OR2C1: variants seen among roughly 807,000 people sequenced by gnomAD.
OR2C1 encodes olfactory receptor 2C1.
For synonymous variants in OR2C1, 209 were observed against 167.3 expected, an observed-to-expected ratio of 1.25 and a Z score of -1.92; for missense variants, 468 against 388.3, an observed-to-expected ratio of 1.21 and a Z score of -1.73.
At chr16:3,358,055 CTT>C (rs1218907635), downstream of OR2C1, among the ~76,000 whole-genome samples, 1 of 152,010 alleles carries the variant, frequency 6.6e-6, no homozygotes, top group Admixed American at 6.6e-5. Context: ...TCTCCATCAT[CTT>C]GTTTACCCTC....
rs182864433 is a variant in OR2C1, at chr16:3,356,922, G to A, written c.*43G>A. 3 of 1,431,950 alleles carry A rather than the reference G, an allele frequency of 2.1e-6. No individual in the cohort carries two copies. The Admixed American group carries it at 7.3e-5, about 35-fold the overall frequency. 88.7% of individuals were successfully genotyped at this position (1,431,950 alleles called of 1,614,324 possible). On this transcript the variant is annotated 3_prime_UTR_variant, in exon 1 of 1. Transcript: ENST00000304936. ...ATTTATTGCGTCTTCATCTCTACAT[G>A]CGTTTCTCATTAACTCTCTCTGGCC...
upstream of OR2C1, among the ~76,000 whole-genome samples, chr16:3,351,220 C>CTTTTCTTTTT (rs2030568599): frequency 1.6e-4 from 3 of 18,654 alleles, no homozygotes; most frequent in Non-Finnish European, 3.1e-4. Context: ...TTTTCTTTTT[C>CTTTTCTTTTT]TTTTTCTTTT....
At chr16:3,347,359 C>T in the OR2C1 span, among the ~76,000 whole-genome samples, 4 of 151,744 alleles carry the variant, frequency 2.6e-5, no homozygotes, top group African/African-American at 9.7e-5. Flanking sequence ...TGCACCACTG[C>T]ACTCCAGCCT....
chr16:3,334,035 C>G, the OR2C1 span, among the ~76,000 whole-genome samples: 1 of 152,032 alleles, frequency 6.6e-6, no homozygotes, highest in Non-Finnish European at 1.5e-5. Context: ...TGCAGTGGCA[C>G]AATCTTGGCT....
chr16:3,342,588 A>G, the OR2C1 span, among the ~76,000 whole-genome samples: 1 of 152,100 alleles, frequency 6.6e-6, no homozygotes, highest in African/African-American at 2.4e-5. Flanking sequence ...ATACTGAACA[A>G]TAAAAACGAG....
chr16:3,333,234 T>G, the OR2C1 span, among the ~76,000 whole-genome samples: 16 of 135,460 alleles, frequency 1.2e-4, no homozygotes, highest in African/African-American at 4.5e-4. Flanking sequence ...TTTTTTTTTT[T>G]TTTTTTTTTT....
the OR2C1 span, among the ~76,000 whole-genome samples, chr16:3,334,272 G>T: frequency 4.6e-5 from 7 of 151,510 alleles, no homozygotes; most frequent in Non-Finnish European, 1.0e-4. Flanking sequence ...CGAGTAGCTG[G>T]GACGACAGGC....
chr16:3,340,487 C>A, the OR2C1 span, among the ~76,000 whole-genome samples: 1 of 152,068 alleles, frequency 6.6e-6, no homozygotes, highest in East Asian at 1.9e-4. Flanking sequence ...TTTATGTATT[C>A]TTTATTTGGT....
At chr16:3,342,602 G>T in the OR2C1 span, among the ~76,000 whole-genome samples, 5 of 152,096 alleles carry the variant, frequency 3.3e-5, no homozygotes, top group African/African-American at 4.8e-5. Context: ...AAACGAGGCC[G>T]GGCGCAGTGA....
At chr16:3,338,698 T>A in the OR2C1 span, among the ~76,000 whole-genome samples, 1 of 151,944 alleles carries the variant, frequency 6.6e-6, no homozygotes, top group Non-Finnish European at 1.5e-5. Flanking sequence ...CCAGCACGCC[T>A]GGCTAATTTT....
upstream of OR2C1, among the ~76,000 whole-genome samples, chr16:3,355,186 C>G (rs12919193): frequency 0.89 from 135,938 of 151,902 alleles, 60,952 homozygotes; most frequent in African/African-American, 0.95. Flanking sequence ...ATCTAGGCCA[C>G]GCACGGTGGC....
chr16:3,347,652 A>G, the OR2C1 span, among the ~76,000 whole-genome samples: 1 of 152,226 alleles, frequency 6.6e-6, no homozygotes, highest in African/African-American at 2.4e-5. Context: ...AGATCATACG[A>G]TGTGCATTGC....
In OR2C1 at chr16:3,356,343, A is replaced by C. The variant is rs781406819; in HGVS notation, c.403A>C (p.Ile135Leu). ...GTGCCGGCCCCTCCGCTACACCGCC[A>C]TCATGAACCCCCAGCTCTGCTGGCT... is the stretch of plus-strand genomic sequence containing the variant. ...AVCRPLRYTA[I>L]MNPQLCWLLA... The change falls in exon 1 of 1, where the codon ATC (isoleucine) becomes CTC (leucine). Residue 135 changes from isoleucine to leucine, a missense_variant. Ile to Leu is a conservative substitution (Grantham distance 5). Transcript: ENST00000304936. The C allele has an allele frequency of 1.2e-6, 2 of 1,613,512 alleles. No homozygotes were observed. Among genetic ancestry groups the C allele is most frequent in the Non-Finnish European group, 1.7e-6 (2 of 1,180,004 alleles).
chr16:3,336,354 T>G, the OR2C1 span, among the ~76,000 whole-genome samples: 1 of 152,064 alleles, frequency 6.6e-6, no homozygotes, highest in Non-Finnish European at 1.5e-5. Context: ...TGTAGTTTTC[T>G]TTTTCTTTCT....
chr16:3,327,090 A>G, the OR2C1 span, among the ~76,000 whole-genome samples: 1 of 152,168 alleles, frequency 6.6e-6, no homozygotes, highest in Non-Finnish European at 1.5e-5. Flanking sequence ...GGAAATGGAC[A>G]ATCCTTTTAT....
the OR2C1 span, chr16:3,323,604 C>A: frequency 1.3e-6 from 1 of 743,226 alleles, no homozygotes; most frequent in Admixed American, 1.7e-5. Context: ...TGAAGTCTTG[C>A]AATGGCTGTC....
the OR2C1 span, among the ~76,000 whole-genome samples, chr16:3,336,255 A>G: frequency 1.3e-5 from 2 of 152,184 alleles, no homozygotes; most frequent in African/African-American, 4.8e-5. Context: ...ATCCCACTTG[A>G]TCATGGTGAA....
the OR2C1 span, among the ~76,000 whole-genome samples, chr16:3,343,106 G>C: frequency 6.6e-6 from 1 of 152,092 alleles, no homozygotes; most frequent in Non-Finnish European, 1.5e-5. Context: ...GGTTATAAAA[G>C]GGCAAACTGA....
At chr16:3,333,983 G>GT in the OR2C1 span, among the ~76,000 whole-genome samples, 152 of 151,126 alleles carry the variant, frequency 1.0e-3, 1 homozygote, top group African/African-American at 3.6e-3. Flanking sequence ...TCTTTTTGGG[G>GT]TGGTGGGGGG....
Sources: allele counts gnomAD v4.1 joint callset (sites outside exome capture counted in the v4.1 genomes callset), GRCh38; gene constraint gnomAD v4.1.1; transcripts MANE v1.5; gene names NCBI Gene and HGNC (gene_info 2026-07-23, HGNC 2026-07-21).